The following STX12 variants were observed in gnomAD, a reference collection of about 807,000 sequenced individuals.
STX12 encodes syntaxin-12.
In STX12, 17 loss-of-function variants were observed where a neutral mutation model predicts 42.2. The observed-to-expected ratio is 0.40, with a 90% CI of 0.28 to 0.60. The LOEUF is 0.60. Ranked by LOEUF, STX12 falls within the 20% of genes least tolerant of loss-of-function variation. The pLI, the probability that STX12 is intolerant of heterozygous loss-of-function variation, is 0.39. For missense variants in STX12, 297 were observed against 330.9 expected (o/e 0.90, Z 0.79); for synonymous variants, 108 against 116.7 (o/e 0.93, Z 0.48).
At chr1:27,785,928 T>C (rs1164721940) in intron 1 of STX12, among the ~76,000 whole-genome samples, 1 of 152,180 alleles carries the variant, frequency 6.6e-6, no homozygotes, top group Non-Finnish European at 1.5e-5. Flanking sequence ...AGAGACCTAT[T>C]AACTTAGGTA....
At chr1:27,786,394 A>G (rs1177041739) in intron 1 of STX12, among the ~76,000 whole-genome samples, 1 of 151,880 alleles carries the variant, frequency 6.6e-6, no homozygotes, top group Non-Finnish European at 1.5e-5. Context: ...CTCTCTGACC[A>G]CTCTATATAA....
intron 4 of STX12, among the ~76,000 whole-genome samples, chr1:27,809,366 G>T (rs1351976651): frequency 6.7e-6 from 1 of 150,120 alleles, no homozygotes; most frequent in Non-Finnish European, 1.5e-5. Flanking sequence ...AGAAAGGTTA[G>T]TTTATGTGTG....
chr1:27,814,075 A>G (rs1259110864), intron 6 of STX12, among the ~76,000 whole-genome samples: 1 of 152,054 alleles, frequency 6.6e-6, no homozygotes, highest in East Asian at 1.9e-4. Flanking sequence ...TAATTTTTGT[A>G]TTTTTAGTAG....
rs1412816812 is a variant in STX12 at position 27,819,555 on chromosome 1, A to T, written c.650-95A>T. On this transcript the variant is annotated intron_variant, in intron 7 of 8. Coordinates refer to ENST00000373943, the MANE Select transcript of STX12 (RefSeq NM_177424.3). The stretch of plus-strand genomic sequence containing the variant: ...ATGGCTGGATAGTTTGGATAGTGGT[A>T]GTGAAACCAGGACATGTAACATCAG... The T allele has an allele frequency of 4.0e-6, 4 of 995,472 alleles. No homozygotes were observed. In the African/African-American group the frequency reaches 6.4e-5, roughly 16 times the overall value. 61.7% of individuals were successfully genotyped at this position (995,472 alleles called of 1,614,324 possible).
At chr1:27,819,757 C>G in intron 8 of STX12, 25 bp downstream of exon 8, 1 of 1,606,270 alleles carries the variant, frequency 6.2e-7, no homozygotes, top group African/African-American at 1.3e-5. Context: ...CAAAGAAAGT[C>G]ACTCTGTGTT....
rs367947008 is a variant in STX12 at position 27,810,771 on chromosome 1, G to C, written c.470+482G>C. ...ACTAATCACATGGAAGTGTATTTGT[G>C]GTATTAGTTCAGAACTTGATATGTT... is the stretch of plus-strand genomic sequence containing the variant. On this transcript the variant is annotated intron_variant, in intron 5 of 8. Transcript: ENST00000373943. Among the ~76,000 whole-genome samples the C allele has an allele frequency of 9.9e-5, 15 of 152,160 alleles. 1 individual carries two copies. The East Asian group carries it at 2.7e-3, about 27-fold the overall frequency.
intron 1 of STX12, among the ~76,000 whole-genome samples, chr1:27,783,858 A>C (rs1329665004): frequency 6.6e-6 from 1 of 152,100 alleles, no homozygotes; most frequent in Non-Finnish European, 1.5e-5. Flanking sequence ...CAGAAGATTC[A>C]ACTCATCCTG....
intron 1 of STX12, among the ~76,000 whole-genome samples, chr1:27,781,535 A>T (rs2088668146): frequency 6.6e-6 from 1 of 152,186 alleles, no homozygotes; most frequent in African/African-American, 2.4e-5. Context: ...TACCTATTTC[A>T]TAGGGTTGTG....
chr1:27,814,932 C>T (rs1342533036), intron 6 of STX12, among the ~76,000 whole-genome samples: 1 of 149,904 alleles, frequency 6.7e-6, no homozygotes, highest in African/African-American at 2.5e-5. Flanking sequence ...TTAAAAAAAA[C>T]TAAAAAATAA....
At chr1:27,794,870 C>T (rs1464795925) in intron 3 of STX12, among the ~76,000 whole-genome samples, 1 of 151,846 alleles carries the variant, frequency 6.6e-6, no homozygotes, top group Non-Finnish European at 1.5e-5. Flanking sequence ...CACAAGTGCG[C>T]ACCACCACAC....
In STX12 at chr1:27,818,384, T is replaced by TAA. The variant is rs199601647; in HGVS notation, c.649+476_649+477dup. 6.5e-3 allele frequency among the ~76,000 whole-genome samples: 915 copies of TAA among 140,324 alleles called. 7 individuals are homozygous for TAA. In the Middle Eastern group the frequency reaches 0.07, roughly 11 times the overall value. 92.1% of individuals were successfully genotyped at this position (140,324 alleles called of 152,430 possible). ...TGACAGAATGAGACTTCGTCTCAAT[T>TAA]AAAAAAAAAAAAAAAATGGAGTTAG... On this transcript the variant is annotated intron_variant, in intron 7 of 8. Coordinates refer to ENST00000373943, the MANE Select transcript of STX12 (RefSeq NM_177424.3).
At chr1:27,806,096 C>T (rs2088861091) in intron 4 of STX12, among the ~76,000 whole-genome samples, 1 of 152,280 alleles carries the variant, frequency 6.6e-6, no homozygotes, top group Non-Finnish European at 1.5e-5. Flanking sequence ...TAAAAAAATA[C>T]ATATTTCCAT....
Position 27,782,263 on chromosome 1 carries a change from G to GTAATTTTT in STX12, c.119-7289_119-7282dup, listed in dbSNP as rs1476941415. On this transcript the variant is annotated intron_variant, in intron 1 of 8. Transcript: ENST00000373943. The stretch of plus-strand genomic sequence containing the variant: ...TACAGGCACGCACCACCACGTCCAA[G>GTAATTTTT]TAATTTTTTAATTTTTTGTAGAGAC... Among the ~76,000 whole-genome samples, 3 of 152,170 alleles carry GTAATTTTT rather than the reference G, an allele frequency of 2.0e-5. No homozygotes were observed. In the East Asian group the frequency reaches 5.8e-4, roughly 29 times the overall value.
chr1:27,796,073 C>T (rs1392949547), intron 3 of STX12, among the ~76,000 whole-genome samples: 6 of 152,094 alleles, frequency 3.9e-5, no homozygotes, highest in Non-Finnish European at 7.4e-5. Flanking sequence ...CTTCTAAAAC[C>T]AAATAGAAGT....
chr1:27,823,039 T>A lies in STX12; in HGVS notation c.*710T>A, dbSNP rs1488072595. ...CTGTTAGCTTTTAAAGGAAGTTAAT[T>A]TAATTAACATTAATATACTCTATGG... is the stretch of plus-strand genomic sequence containing the variant. On this transcript the variant is annotated 3_prime_UTR_variant, in exon 9 of 9. Transcript: ENST00000373943. 2 of 152,218 alleles carry A rather than the reference T, an allele frequency of 1.3e-5. No individual in the cohort carries two copies. Among genetic ancestry groups the A allele is most frequent in the East Asian group, 3.8e-4 (2 of 5,204 alleles). 9.4% of individuals were successfully genotyped at this position (152,218 alleles called of 1,614,324 possible). A position where few individuals can be genotyped will look rare whatever the true frequency, so the allele number is the denominator to read the frequency against.
rs752689973 is a variant in STX12 at position 27,822,982 on chromosome 1, C to G, written c.*653C>G. The G allele has an allele frequency of 6.6e-6, 1 of 152,224 alleles. No homozygotes were observed. Among genetic ancestry groups the G allele is most frequent in the Non-Finnish European group, 1.5e-5 (1 of 68,056 alleles). The allele number at this position is 152,224 out of a possible 1,614,324, so 9.4% of individuals were successfully genotyped here. On this transcript the variant is annotated 3_prime_UTR_variant, in exon 9 of 9. Coordinates refer to ENST00000373943, the MANE Select transcript of STX12 (RefSeq NM_177424.3). ...CTTCATTATCTGCTAGTGTCATCCACAGCAGTTCATCCTCATCCACACTAA... is the reference window on the plus strand; with the variant it reads ...CTTCATTATCTGCTAGTGTCATCCAGAGCAGTTCATCCTCATCCACACTAA...
chr1:27,819,848 T>C (rs983657163), intron 8 of STX12, 116 bp downstream of exon 8: 21 of 763,984 alleles, frequency 2.7e-5, no homozygotes, highest in Middle Eastern at 4.9e-4. Flanking sequence ...TAAAGGAAAG[T>C]AGTCATAATT....
chr1:27,804,961 G>A (rs1456467477), intron 4 of STX12, among the ~76,000 whole-genome samples: 1 of 152,144 alleles, frequency 6.6e-6, no homozygotes, highest in East Asian at 1.9e-4. Flanking sequence ...CATGGTAGAA[G>A]ACACCTCTTC....
chr1:27,777,624 C>T (rs139850445), intron 1 of STX12, among the ~76,000 whole-genome samples: 23 of 152,272 alleles, frequency 1.5e-4, no homozygotes, highest in African/African-American at 5.1e-4. Flanking sequence ...CGGTGACTCA[C>T]GCCTGTAATC....
Sources: allele counts gnomAD v4.1 joint callset (sites outside exome capture counted in the v4.1 genomes callset), GRCh38; gene constraint gnomAD v4.1.1; transcripts MANE v1.5; gene names NCBI Gene and HGNC (gene_info 2026-07-23, HGNC 2026-07-21).